KATNAL1: variants seen among roughly 807,000 people sequenced by gnomAD.
KATNAL1 encodes katanin p60 ATPase-containing subunit A-like 1.
A neutral mutation model predicts 55.2 loss-of-function variants in KATNAL1; 32 were observed. The ratio of observed to expected loss-of-function variants is 0.58; its 90% CI spans 0.44 to 0.78. The LOEUF is 0.78. Ranked by LOEUF, KATNAL1 falls within the 30% of genes least tolerant of loss-of-function variation. KATNAL1 has a pLI of 0.00. For missense variants in KATNAL1, 466 were observed against 600.9 expected, an observed-to-expected ratio of 0.78 and a Z score of 2.35; for synonymous variants, 193 against 193.6, an observed-to-expected ratio of 1.00 and a Z score of 0.02.
intron 3 of KATNAL1, among the ~76,000 whole-genome samples, chr13:30,275,030 A>G (rs1880738855): frequency 1.3e-5 from 2 of 152,104 alleles, no homozygotes; most frequent in African/African-American, 4.8e-5. Context: ...ATACAGAAAG[A>G]CACATACTAC....
intron 3 of KATNAL1, among the ~76,000 whole-genome samples, chr13:30,270,266 C>G (rs1317810943): frequency 1.6e-4 from 23 of 141,256 alleles, no homozygotes; most frequent in South Asian, 1.3e-3. Flanking sequence ...TCAGCCCCCC[C>G]GCCCGGCCAG....
intron 9 of KATNAL1, among the ~76,000 whole-genome samples, chr13:30,217,660 A>T (rs1295046880): frequency 1.3e-5 from 2 of 152,162 alleles, no homozygotes. Context: ...AGGAGACAAC[A>T]ACTACATTCT....
chr13:30,240,448 A>G lies in KATNAL1; in HGVS notation c.726+12T>C. 1 of 1,572,580 alleles carries G rather than the reference A, an allele frequency of 6.4e-7. No homozygotes were observed. The highest frequency in any genetic ancestry group is 8.7e-7 in the Non-Finnish European group (1 of 1,142,976). ...GCATTCTTATATCAAAACCAATTTA[A>G]TAAATTCTCACCTTCCATGGCCTTC... On this transcript the variant is annotated intron_variant, in intron 6 of 10. Transcript: ENST00000380615.
intron 2 of KATNAL1, among the ~76,000 whole-genome samples, chr13:30,281,086 G>A (rs115349511): frequency 0.026 from 3,376 of 129,512 alleles, 125 homozygotes; most frequent in African/African-American, 0.097. Flanking sequence ...TCACGCTCCT[G>A]CACTCCAGCC....
At chr13:30,274,131 G>C (rs547201012) in intron 3 of KATNAL1, among the ~76,000 whole-genome samples, 1 of 152,300 alleles carries the variant, frequency 6.6e-6, no homozygotes, top group Non-Finnish European at 1.5e-5. Context: ...ATACAGAAAG[G>C]AACTTGCAGG....
chr13:30,299,367 T>G (rs1882724626), intron 1 of KATNAL1, among the ~76,000 whole-genome samples: 1 of 152,192 alleles, frequency 6.6e-6, no homozygotes, highest in African/African-American at 2.4e-5. Context: ...TGTGATCATA[T>G]GTTAACATCA....
intron 9 of KATNAL1, among the ~76,000 whole-genome samples, chr13:30,218,205 A>AATAT (rs34056263): frequency 0.16 from 22,196 of 139,180 alleles, 1,890 homozygotes; most frequent in Admixed American, 0.24. Flanking sequence ...CAGTAAAAGG[A>AATAT]ATATATATAT....
At position 30,207,099 on chromosome 13, in the gene KATNAL1, T is replaced by C. The variant is rs981637394; in HGVS notation, c.*1441A>G. 4 of 152,224 alleles carry C rather than the reference T, an allele frequency of 2.6e-5. No homozygotes were observed. Among genetic ancestry groups the C allele is most frequent in the African/African-American group, 2.4e-5 (1 of 41,450 alleles). The allele number at this position is 152,224 out of a possible 1,614,324, so 9.4% of individuals were successfully genotyped here. On this transcript the variant is annotated 3_prime_UTR_variant, in exon 11 of 11. Coordinates refer to ENST00000380615, the MANE Select transcript of KATNAL1 (RefSeq NM_032116.5). ...GTTAAATGTCCAAAAAGCTGTATTATTTTTAGTTTTAAACCAGTAGGCACT... is the reference window on the plus strand; with the variant it reads ...GTTAAATGTCCAAAAAGCTGTATTACTTTTAGTTTTAAACCAGTAGGCACT...
chr13:30,239,866 C>T (rs1877087652), intron 6 of KATNAL1, among the ~76,000 whole-genome samples: 1 of 151,702 alleles, frequency 6.6e-6, no homozygotes, highest in South Asian at 2.1e-4. Context: ...TTGTATTTTT[C>T]GTAAAGATGA....
chr13:30,249,526 T>C (rs989493910), intron 4 of KATNAL1, among the ~76,000 whole-genome samples: 2 of 152,092 alleles, frequency 1.3e-5, no homozygotes, highest in African/African-American at 4.8e-5. Flanking sequence ...AAAACAGATT[T>C]TAACTGTGAT....
At chr13:30,259,851 C>T (rs930328177) in intron 3 of KATNAL1, among the ~76,000 whole-genome samples, 43 of 151,968 alleles carry the variant, frequency 2.8e-4, no homozygotes, top group African/African-American at 8.2e-4. Context: ...CCGGGAAGCT[C>T]GAACTGGGTG....
chr13:30,259,365 G>C (rs1173147772), intron 3 of KATNAL1, among the ~76,000 whole-genome samples: 1 of 152,014 alleles, frequency 6.6e-6, no homozygotes, highest in African/African-American at 2.4e-5. Context: ...AGTGGGGGGA[G>C]GAGCCAAGAT....
At chr13:30,272,694 A>G (rs776545704) in intron 3 of KATNAL1, among the ~76,000 whole-genome samples, 77 of 152,338 alleles carry the variant, frequency 5.1e-4, no homozygotes, top group Non-Finnish European at 9.4e-4. Context: ...ATTGTATTAC[A>G]TACCTAGAAC....
At position 30,256,661 on chromosome 13, in the gene KATNAL1, T is replaced by A. The variant is rs558969509; in HGVS notation, c.324-1046A>T. On this transcript the variant is annotated intron_variant, in intron 3 of 10. Coordinates refer to ENST00000380615, the MANE Select transcript of KATNAL1 (RefSeq NM_032116.5). The stretch of plus-strand genomic sequence containing the variant: ...AGATAGGAAAATGGATAAAAAGCCA[T>A]GAAGGTTGCAAACTAAGGGCCAAAA... Among the ~76,000 whole-genome samples, 3 of 150,484 alleles carry A rather than the reference T, an allele frequency of 2.0e-5. No individual in the cohort carries two copies. The South Asian group carries it at 6.3e-4, about 32-fold the overall frequency.
At chr13:30,227,839 T>C (rs1875666608) in intron 8 of KATNAL1, among the ~76,000 whole-genome samples, 1 of 152,210 alleles carries the variant, frequency 6.6e-6, no homozygotes, top group Middle Eastern at 3.4e-3. Context: ...AGAAAATGAA[T>C]GTATTTTCCT....
intron 4 of KATNAL1, among the ~76,000 whole-genome samples, chr13:30,244,452 T>G (rs901329252): frequency 6.6e-6 from 1 of 152,324 alleles, no homozygotes; most frequent in South Asian, 2.1e-4. Context: ...GTAATGGGAT[T>G]GCTGGATCAA....
intron 9 of KATNAL1, among the ~76,000 whole-genome samples, chr13:30,224,465 TTG>T (rs1875233443): frequency 6.6e-6 from 1 of 151,722 alleles, no homozygotes; most frequent in Non-Finnish European, 1.5e-5. Flanking sequence ...TCCCAAAAGT[TTG>T]AGGCTGCAGT....
rs1476446541 is a variant in KATNAL1 at position 30,280,125 on chromosome 13, G to C, written c.261C>G (p.Ser87=). Residue 87 remains serine (S), a synonymous_variant, in exon 3 of 11, where the codon TCC becomes TCG. Transcript: ENST00000380615. ...GATCTCTAAATGGTTCATCTTGACAGGACACAGGGAAATCTGGAGGCTTGT... is the reference window on the plus strand; with the variant it reads ...GATCTCTAAATGGTTCATCTTGACACGACACAGGGAAATCTGGAGGCTTGT... ...KIDKPPDFPV[S]CQDEPFRDPA... 6.2e-7 allele frequency: 1 copy of C among 1,613,310 alleles called. No homozygotes were observed. Among genetic ancestry groups the C allele is most frequent in the African/African-American group, 1.3e-5 (1 of 74,822 alleles).
At position 30,205,037 on chromosome 13, in the gene KATNAL1, T is replaced by C. The variant is rs1196115235; in HGVS notation, c.*3503A>G. The C allele has an allele frequency of 6.6e-6, 1 of 152,204 alleles. No homozygotes were observed. The highest frequency in any genetic ancestry group is 2.4e-5 in the African/African-American group (1 of 41,448). The allele number at this position is 152,204 out of a possible 1,614,324, so 9.4% of individuals were successfully genotyped here. On this transcript the variant is annotated 3_prime_UTR_variant, in exon 11 of 11. Transcript: ENST00000380615. ...GTTTATAGTAAACATGTCATGCTTA[T>C]AATAAACAGGCAGCTTGGGAAATGG...
Sources: allele counts gnomAD v4.1 joint callset (sites outside exome capture counted in the v4.1 genomes callset), GRCh38; gene constraint gnomAD v4.1.1; transcripts MANE v1.5; gene names NCBI Gene and HGNC (gene_info 2026-07-23, HGNC 2026-07-21).